RASGRF2: variants seen among roughly 807,000 people sequenced by gnomAD.
RASGRF2 encodes the protein Ras protein specific guanine nucleotide releasing factor 2.
RASGRF2 carries 76 observed loss-of-function variants against 151.0 expected under a neutral mutation model. That is an observed-to-expected ratio of 0.50 (90% CI 0.42 to 0.61). The LOEUF is 0.61. Ranked by LOEUF, RASGRF2 falls within the 20% of genes least tolerant of loss-of-function variation. RASGRF2 has a pLI of 0.00. For missense variants in RASGRF2, 1,148 were observed against 1,564.6 expected (o/e 0.73, Z 4.49); for synonymous variants, 504 against 566.5 (o/e 0.89, Z 1.57).
At chr5:81,139,384 AT>A (rs1753828959) in intron 17 of RASGRF2, among the ~76,000 whole-genome samples, 1 of 105,736 alleles carries the variant, frequency 9.5e-6, no homozygotes, top group African/African-American at 3.2e-5. Context: ...TACGCCTTTC[AT>A]TTTCTTTCTT....
At position 81,116,268 on chromosome 5, in the gene RASGRF2, A is replaced by C. The variant is rs148601515; in HGVS notation, c.2470+2348A>C. Among the ~76,000 whole-genome samples, 1,152 of 151,634 alleles carry C rather than the reference A, an allele frequency of 7.6e-3. 17 individuals carry two copies. The highest frequency in any genetic ancestry group is 0.027 in the African/African-American group (1,113 of 41,366). On this transcript the variant is annotated intron_variant, in intron 15 of 26. Coordinates refer to ENST00000265080, the MANE Select transcript of RASGRF2 (RefSeq NM_006909.3). The stretch of plus-strand genomic sequence containing the variant: ...TTGCTAATTTTTGTATTTTTAGTAG[A>C]GACGGGCTTTCACCATGTTGGCCAG...
At chr5:81,017,808 C>T (rs899081814) in intron 1 of RASGRF2, among the ~76,000 whole-genome samples, 1 of 151,238 alleles carries the variant, frequency 6.6e-6, no homozygotes, top group Non-Finnish European at 1.5e-5. Flanking sequence ...AGACTCTAGA[C>T]TTTTCTGGAC....
intron 17 of RASGRF2, among the ~76,000 whole-genome samples, chr5:81,127,740 A>G (rs1753498148): frequency 6.6e-6 from 1 of 151,350 alleles, no homozygotes; most frequent in African/African-American, 2.4e-5. Context: ...CCTGGACAAC[A>G]TGGTGAAACC....
At chr5:80,984,460 C>CT in intron 1 of RASGRF2, among the ~76,000 whole-genome samples, 1 of 152,208 alleles carries the variant, frequency 6.6e-6, no homozygotes. Flanking sequence ...TTGATGTAAA[C>CT]TCTTACTTTT....
At chr5:81,201,475 A>C (rs1383182687) in intron 19 of RASGRF2, 33 bp downstream of exon 19, 1 of 1,594,176 alleles carries the variant, frequency 6.3e-7, no homozygotes, top group South Asian at 1.1e-5. Flanking sequence ...ACTGGATGAC[A>C]TTGGTTGATT....
chr5:81,148,250 GT>G (rs992425159), intron 17 of RASGRF2, among the ~76,000 whole-genome samples: 20 of 152,216 alleles, frequency 1.3e-4, no homozygotes, highest in African/African-American at 4.1e-4. Flanking sequence ...AGTGCTTTAG[GT>G]TACTTTTGTT....
At chr5:81,216,379 A>ATG (rs1755738731) in intron 24 of RASGRF2, among the ~76,000 whole-genome samples, 2 of 146,494 alleles carry the variant, frequency 1.4e-5, no homozygotes, top group Non-Finnish European at 3.0e-5. Flanking sequence ...GCACACACAC[A>ATG]CACACAAACA....
chr5:81,216,995 G>A, intron 24 of RASGRF2: 1 of 459,142 alleles, frequency 2.2e-6, no homozygotes, highest in South Asian at 1.6e-5. Context: ...ATTTAAAGAG[G>A]TAAGACCATA....
At chr5:81,163,287 G>A (rs367685796) in intron 17 of RASGRF2, among the ~76,000 whole-genome samples, 4 of 152,198 alleles carry the variant, frequency 2.6e-5, no homozygotes, top group African/African-American at 7.2e-5. Flanking sequence ...TTGCAGGAGA[G>A]CCTAGGAAGT....
chr5:80,989,125 C>T (rs915060922), intron 1 of RASGRF2, among the ~76,000 whole-genome samples: 1 of 152,022 alleles, frequency 6.6e-6, no homozygotes, highest in Admixed American at 6.6e-5. Context: ...TTACAGGCAT[C>T]ACGCCTGGCT....
chr5:81,073,764 G>A (rs550154922), intron 5 of RASGRF2, among the ~76,000 whole-genome samples: 2 of 151,972 alleles, frequency 1.3e-5, no homozygotes, highest in East Asian at 1.9e-4. Context: ...GACTACAGGC[G>A]CCCACCACCA....
At chr5:81,108,891 G>C in intron 12 of RASGRF2, 105 bp from the exon 13 acceptor site, 3 of 990,348 alleles carry the variant, frequency 3.0e-6, no homozygotes, top group East Asian at 4.2e-5. Context: ...TAAGAGACAG[G>C]GAGAGAGAAA....
intron 7 of RASGRF2, among the ~76,000 whole-genome samples, chr5:81,084,164 A>G (rs2112484010): frequency 6.6e-6 from 1 of 152,320 alleles, no homozygotes; most frequent in Middle Eastern, 3.4e-3. Context: ...ATGAGGAAGG[A>G]TCATGAGAGT....
At position 81,108,987 on chromosome 5, in the gene RASGRF2, A is replaced by T; in HGVS notation, c.1756-9A>T. 6.3e-7 allele frequency: 1 copy of T among 1,596,662 alleles called. No individual in the cohort carries two copies. Among genetic ancestry groups the T allele is most frequent in the Non-Finnish European group, 8.6e-7 (1 of 1,168,088 alleles). ...TGTGGGTTGTAATTGTCAACTTTTTATTTCACAGTGTGTGGACAATATACG... is the reference window on the plus strand; with the variant it reads ...TGTGGGTTGTAATTGTCAACTTTTTTTTTCACAGTGTGTGGACAATATACG... On this transcript the variant is annotated splice_polypyrimidine_tract_variant and intron_variant, in intron 12 of 26. Transcript: ENST00000265080.
At chr5:81,025,894 A>G (rs1168757709) in intron 1 of RASGRF2, among the ~76,000 whole-genome samples, 3 of 149,178 alleles carry the variant, frequency 2.0e-5, no homozygotes, top group African/African-American at 7.3e-5. Flanking sequence ...CTATTTGGTA[A>G]CCTGTTTGTA....
At chr5:81,000,137 G>A (rs972544020) in intron 1 of RASGRF2, among the ~76,000 whole-genome samples, 2 of 152,354 alleles carry the variant, frequency 1.3e-5, no homozygotes, top group Non-Finnish European at 2.9e-5. Flanking sequence ...CTGGGCTGGG[G>A]TGGCTGAAGG....
chr5:81,048,819 T>A (rs1750918432), intron 2 of RASGRF2, among the ~76,000 whole-genome samples: 1 of 152,214 alleles, frequency 6.6e-6, no homozygotes, highest in South Asian at 2.1e-4. Flanking sequence ...TCCTCGCTCC[T>A]TACCTTTTTT....
At chr5:81,088,189 C>T (rs1422015070) in intron 9 of RASGRF2, 1 of 152,448 alleles carries the variant, frequency 6.6e-6, no homozygotes, top group East Asian at 1.9e-4. Flanking sequence ...TGCCTGCCAG[C>T]CTCTGTGCCT....
intron 1 of RASGRF2, among the ~76,000 whole-genome samples, chr5:81,014,197 C>G (rs539816797): frequency 5.9e-5 from 9 of 152,168 alleles, no homozygotes; most frequent in African/African-American, 1.9e-4. Context: ...TATGCTAGTG[C>G]TTTTCTAGAC....
Sources: gnomAD v4.1 joint callset for allele counts (sites outside exome capture counted in the v4.1 genomes callset) on GRCh38, gnomAD v4.1.1 for gene constraint, MANE v1.5 for transcripts, NCBI Gene and HGNC (gene_info 2026-07-23, HGNC 2026-07-21) for gene names.